Variants in PELI2 observed in about 807,000 individuals in gnomAD.
PELI2 encodes the protein pellino E3 ubiquitin protein ligase family member 2.
A neutral mutation model predicts 42.3 loss-of-function variants in PELI2; 23 were observed. That is an observed-to-expected ratio of 0.54 (90% CI 0.39 to 0.77). PELI2 has a LOEUF of 0.77. Ranked by LOEUF, PELI2 falls within the 30% of genes least tolerant of loss-of-function variation. The probability of loss-of-function intolerance (pLI) is 0.00; values close to 1 mark genes in which losing one functional copy is unlikely to be tolerated. For synonymous variants in PELI2, 245 were observed against 212.2 expected, an observed-to-expected ratio of 1.15 and a Z score of -1.34; for missense variants, 463 against 553.2, an observed-to-expected ratio of 0.84 and a Z score of 1.64.
chr14:56,134,127 A>G (rs1035090884), intron 1 of PELI2, among the ~76,000 whole-genome samples: 1 of 152,224 alleles, frequency 6.6e-6, no homozygotes, highest in East Asian at 1.9e-4. Context: ...ACTCATTGAC[A>G]ATTGACTGTC....
intron 1 of PELI2, among the ~76,000 whole-genome samples, chr14:56,131,942 C>A (rs1883501489): frequency 6.6e-6 from 1 of 152,162 alleles, no homozygotes; most frequent in Non-Finnish European, 1.5e-5. Context: ...GAGAGAGTTG[C>A]TTCTCTCTTT....
At chr14:56,292,620 G>A (rs1889868619) in intron 5 of PELI2, 1 of 185,822 alleles carries the variant, frequency 5.4e-6, no homozygotes, top group African/African-American at 2.4e-5. Context: ...GCTAGTGCTG[G>A]TGGAAGATTA....
At chr14:56,271,169 C>T (rs1434249081) in intron 2 of PELI2, among the ~76,000 whole-genome samples, 2 of 152,162 alleles carry the variant, frequency 1.3e-5, no homozygotes, top group Non-Finnish European at 2.9e-5. Context: ...TCACAGTGTG[C>T]ACAGTGCTCG....
chr14:56,156,421 C>T (rs187354082), intron 1 of PELI2, among the ~76,000 whole-genome samples: 138 of 152,280 alleles, frequency 9.1e-4, no homozygotes, highest in Non-Finnish European at 1.5e-3. Flanking sequence ...TTGAGAATGT[C>T]TTCCAGCCCT....
Position 56,299,677 on chromosome 14 carries a change from C to T in PELI2, c.*2511C>T, listed in dbSNP as rs1028706701. 7.9e-5 allele frequency: 12 copies of T among 151,968 alleles called. No individual in the cohort carries two copies. The highest frequency in any genetic ancestry group is 1.3e-4 in the Admixed American group (2 of 15,262). The allele number at this position is 151,968 out of a possible 1,614,324, so 9.4% of individuals were successfully genotyped here. A position where few individuals can be genotyped will look rare whatever the true frequency, so the allele number is the denominator to read the frequency against. The stretch of plus-strand genomic sequence containing the variant: ...TCTGTAGCTCACCAAGGTGGAGAAA[C>T]GCAATTCAGAAAAGTAATTTCTCCA... On this transcript the variant is annotated 3_prime_UTR_variant, in exon 6 of 6. Coordinates refer to ENST00000267460, the MANE Select transcript of PELI2 (RefSeq NM_021255.3).
intron 2 of PELI2, among the ~76,000 whole-genome samples, chr14:56,207,629 C>G (rs1886566360): frequency 6.6e-6 from 1 of 152,206 alleles, no homozygotes; most frequent in South Asian, 2.1e-4. Context: ...CCTAGACCTA[C>G]TCAGGGGAAG....
intron 1 of PELI2, among the ~76,000 whole-genome samples, chr14:56,177,272 T>G (rs1489154153): frequency 6.6e-6 from 1 of 152,154 alleles, no homozygotes; most frequent in Non-Finnish European, 1.5e-5. Flanking sequence ...AGTTCTTGCT[T>G]CCCCTGTCCG....
intron 1 of PELI2, among the ~76,000 whole-genome samples, chr14:56,124,209 A>G (rs946155925): frequency 6.6e-6 from 1 of 152,206 alleles, no homozygotes; most frequent in Non-Finnish European, 1.5e-5. Flanking sequence ...CCTGTTCTCA[A>G]CCACTGTCTC....
rs559569693 is a variant in PELI2, at chr14:56,300,601, T to G, written c.*3435T>G. ...ATGGTTTTGTTTCACTTCTTTTCTTTTTTAAAGCCATTCTGTTCTTTGGAT... is the reference window on the plus strand; with the variant it reads ...ATGGTTTTGTTTCACTTCTTTTCTTGTTTAAAGCCATTCTGTTCTTTGGAT... On this transcript the variant is annotated 3_prime_UTR_variant, in exon 6 of 6. Transcript: ENST00000267460. 1 of 152,350 alleles carries G rather than the reference T, an allele frequency of 6.6e-6. No individual in the cohort carries two copies. Among genetic ancestry groups the G allele is most frequent in the East Asian group, 1.9e-4 (1 of 5,186 alleles). The allele number at this position is 152,350 out of a possible 1,614,324, so 9.4% of individuals were successfully genotyped here. A position where few individuals can be genotyped will look rare whatever the true frequency, so the allele number is the denominator to read the frequency against.
intron 2 of PELI2, among the ~76,000 whole-genome samples, chr14:56,240,842 C>G (rs1318663718): frequency 1.3e-5 from 2 of 148,712 alleles, no homozygotes; most frequent in Non-Finnish European, 3.0e-5. Context: ...GGATCCTGCC[C>G]CCATCTGATT....
chr14:56,171,658 T>C (rs1308903302), intron 1 of PELI2, among the ~76,000 whole-genome samples: 1 of 152,028 alleles, frequency 6.6e-6, no homozygotes, highest in East Asian at 1.9e-4. Context: ...ATGGGGGGTG[T>C]GAATAGGCAG....
intron 2 of PELI2, among the ~76,000 whole-genome samples, chr14:56,195,008 C>T (rs1011087209): frequency 1.3e-5 from 2 of 152,168 alleles, no homozygotes; most frequent in Non-Finnish European, 2.9e-5. Flanking sequence ...TGGGATAATT[C>T]ACTTCCCATT....
At chr14:56,132,330 G>A (rs535956126) in intron 1 of PELI2, among the ~76,000 whole-genome samples, 319 of 152,312 alleles carry the variant, frequency 2.1e-3, no homozygotes, top group Non-Finnish European at 3.5e-3. Context: ...GACTTTACAA[G>A]ACTGGAGGCA....
At chr14:56,283,717 C>T (rs1040861843) in intron 3 of PELI2, among the ~76,000 whole-genome samples, 1 of 152,204 alleles carries the variant, frequency 6.6e-6, no homozygotes. Context: ...CTGAGCTCTT[C>T]ATTCTCTGAA....
chr14:56,266,652 G>T (rs1366361679), intron 2 of PELI2, among the ~76,000 whole-genome samples: 1 of 152,002 alleles, frequency 6.6e-6, no homozygotes, highest in African/African-American at 2.4e-5. Flanking sequence ...GCAAATTGGT[G>T]TAACTTCTGT....
intron 2 of PELI2, among the ~76,000 whole-genome samples, chr14:56,212,479 G>A (rs1432008531): frequency 6.6e-6 from 1 of 152,180 alleles, no homozygotes; most frequent in Non-Finnish European, 1.5e-5. Flanking sequence ...CTGGGATTGG[G>A]GGGAGAGAGG....
intron 2 of PELI2, among the ~76,000 whole-genome samples, chr14:56,205,498 T>A (rs985556230): frequency 1.3e-5 from 2 of 152,108 alleles, no homozygotes; most frequent in African/African-American, 4.8e-5. Context: ...TAGCTAGGAC[T>A]GGACTGAAGA....
In PELI2 at chr14:56,299,990, T is replaced by A. The variant is rs1379850710; in HGVS notation, c.*2824T>A. The A allele has an allele frequency of 6.5e-6, 1 of 152,710 alleles. No homozygotes were observed. Among genetic ancestry groups the A allele is most frequent in the African/African-American group, 2.4e-5 (1 of 41,480 alleles). 9.5% of individuals were successfully genotyped at this position (152,710 alleles called of 1,614,324 possible). On this transcript the variant is annotated 3_prime_UTR_variant, in exon 6 of 6. Coordinates refer to ENST00000267460, the MANE Select transcript of PELI2 (RefSeq NM_021255.3). ...ATTAATAATCGGTGCTGCCGGGTCA[T>A]GCATGCTGCAACTCTCAACATTTCC...
chr14:56,190,872 C>T (rs569091138), intron 2 of PELI2, among the ~76,000 whole-genome samples: 1 of 152,296 alleles, frequency 6.6e-6, no homozygotes, highest in African/African-American at 2.4e-5. Flanking sequence ...CCAGTGGTCA[C>T]ATTTATAACT....
Sources: gnomAD v4.1 joint callset for allele counts (sites outside exome capture counted in the v4.1 genomes callset) on GRCh38, gnomAD v4.1.1 for gene constraint, MANE v1.5 for transcripts, NCBI Gene and HGNC (gene_info 2026-07-23, HGNC 2026-07-21) for gene names.